The following ZNF787 variants were observed in gnomAD, a reference collection of about 807,000 sequenced individuals.
ZNF787 encodes zinc finger protein 787.
In ZNF787, 7 loss-of-function variants were observed where a neutral mutation model predicts 16.9. The observed-to-expected ratio is 0.42, with a 90% CI of 0.24 to 0.78. The LOEUF is 0.78. Among genes scored for constraint, ZNF787 ranks in the 30% least tolerant of loss-of-function variants. ZNF787 has a pLI of 0.30. For missense variants in ZNF787, 551 were observed against 589.3 expected (o/e 0.94, Z 0.67); for synonymous variants, 345 against 270.9 (o/e 1.27, Z -2.69).
rs529694637 is a variant in ZNF787 at position 56,109,848 on chromosome 19, C to G, written c.-10-6621G>C. On this transcript the variant is annotated intron_variant, in intron 1 of 2. Coordinates refer to ENST00000610935, the MANE Select transcript of ZNF787 (RefSeq NM_001002836.4). ...GCAGTGAGCCGAGATCACGCCACTG[C>G]ACTCCAGCCTGGGCGACAAAGTGAG... Among the ~76,000 whole-genome samples the G allele has an allele frequency of 1.7e-3, 254 of 152,202 alleles. 1 individual carries two copies. The highest frequency in any genetic ancestry group is 5.9e-3 in the African/African-American group (244 of 41,538).
intron 1 of ZNF787, among the ~76,000 whole-genome samples, chr19:56,118,704 G>A (rs2030206008): frequency 6.6e-6 from 1 of 152,174 alleles, no homozygotes; most frequent in Non-Finnish European, 1.5e-5. Flanking sequence ...AGAGGCCCCA[G>A]CACCTGGCAC....
At position 56,088,344 on chromosome 19, in the gene ZNF787, G is replaced by T. The variant is rs981584493; in HGVS notation, c.828C>A (p.Ala276=). 3 of 1,191,254 alleles carry T rather than the reference G, an allele frequency of 2.5e-6. No homozygotes were observed. The African/African-American group carries it at 4.9e-5, about 19-fold the overall frequency. 73.8% of individuals were successfully genotyped at this position (1,191,254 alleles called of 1,614,324 possible). The stretch of plus-strand genomic sequence containing the variant: ...ACTCCAGACACACGTACGGCTTGGG[G>T]GCCGGGGCGCGCCGCGACCGGGGCC... ...AAGPRSRRAP[A]PKPYVCLECG... Residue 276 remains alanine, a synonymous_variant, in exon 3 of 3, where the codon GCC becomes GCA. Transcript: ENST00000610935. This position sits in a 1 kb window ranked among gnomAD's most constrained non-coding sequence, Gnocchi z 8.6.
chr19:56,111,750 G>C (rs2029986595), intron 1 of ZNF787, among the ~76,000 whole-genome samples: 1 of 152,100 alleles, frequency 6.6e-6, no homozygotes, highest in Non-Finnish European at 1.5e-5. Flanking sequence ...CTACCAGGGA[G>C]ATGTGAAACA....
At chr19:56,115,670 C>G (rs2030113563) in intron 1 of ZNF787, among the ~76,000 whole-genome samples, 1 of 152,162 alleles carries the variant, frequency 6.6e-6, no homozygotes, top group Non-Finnish European at 1.5e-5. Context: ...ACCACCCACA[C>G]CCTCCCCGTC....
intron 2 of ZNF787, among the ~76,000 whole-genome samples, chr19:56,090,992 C>T (rs76452668): frequency 0.017 from 2,621 of 152,228 alleles, 76 homozygotes; most frequent in African/African-American, 0.059. Flanking sequence ...CTTGAACCTG[C>T]GGCAGAAGAA....
At chr19:56,112,145 G>A (rs1339169923) in intron 1 of ZNF787, among the ~76,000 whole-genome samples, 5 of 152,116 alleles carry the variant, frequency 3.3e-5, no homozygotes, top group South Asian at 2.1e-4. Flanking sequence ...CAGGAGCTGC[G>A]GGGGCCTGAG....
intron 1 of ZNF787, chr19:56,103,438 C>T (rs189871680): frequency 7.0e-5 from 31 of 444,532 alleles, no homozygotes; most frequent in East Asian, 4.5e-4. Flanking sequence ...CTCACACAGC[C>T]GCAGGAAGGA....
In ZNF787 at chr19:56,118,478, G is replaced by A. The variant is rs953801888; in HGVS notation, c.-11+2694C>T. Among the ~76,000 whole-genome samples, 4 of 152,302 alleles carry A rather than the reference G, an allele frequency of 2.6e-5. No individual in the cohort carries two copies. The South Asian group carries it at 6.2e-4, about 24-fold the overall frequency. ...GGCGGTTGTGATGGTCAAGGGTCTGGGCTCTGGAATCGCAGTAGACACAGG... is the reference window on the plus strand; with the variant it reads ...GGCGGTTGTGATGGTCAAGGGTCTGAGCTCTGGAATCGCAGTAGACACAGG... On this transcript the variant is annotated intron_variant, in intron 1 of 2. Coordinates refer to ENST00000610935, the MANE Select transcript of ZNF787 (RefSeq NM_001002836.4).
At chr19:56,098,551 CCGGGTGA>C (rs1985961045) in intron 2 of ZNF787, among the ~76,000 whole-genome samples, 1 of 142,946 alleles carries the variant, frequency 7.0e-6, no homozygotes, top group Non-Finnish European at 1.5e-5. Context: ...GATATGGCCG[CCGGGTGA>C]TGGAGCCTAG....
At chr19:56,091,312 G>A (rs1212339082) in intron 2 of ZNF787, among the ~76,000 whole-genome samples, 2 of 152,208 alleles carry the variant, frequency 1.3e-5, no homozygotes, top group African/African-American at 2.4e-5. Flanking sequence ...GAAAGAAAGT[G>A]TAGCAATGCT....
Position 56,088,083 on chromosome 19 carries a change from G to C in ZNF787, c.1089C>G (p.Asp363Glu), listed in dbSNP as rs187874945. The change falls in exon 3 of 3, where the codon GAC becomes GAG. Residue 363 changes from aspartate (D) to glutamate (E), a missense_variant. Asp to Glu is a conservative substitution (Grantham distance 45, BLOSUM62 2). Coordinates refer to ENST00000610935, the MANE Select transcript of ZNF787 (RefSeq NM_001002836.4). The surrounding 1 kb of genome is among the most constrained non-coding windows in gnomAD (Gnocchi z 8.6). ...GCCCGCCCGCGGCCTCGTCGTCGTC[G>C]TCCTCCTCCTCCCCGCCCGCGCGGT... Reference protein sequence around the residue: ...SYYRAGGEEEDDDDEAAGGRC... With the variant: ...SYYRAGGEEEEDDDEAAGGRC... 592 of 1,491,134 alleles carry C rather than the reference G, an allele frequency of 4.0e-4. 2 individuals are homozygous for C. Among genetic ancestry groups the C allele is most frequent in the Middle Eastern group, 9.7e-4 (4 of 4,124 alleles). 92.4% of individuals were successfully genotyped at this position (1,491,134 alleles called of 1,614,324 possible). A position where few individuals can be genotyped will look rare whatever the true frequency, so the allele number is the denominator to read the frequency against.
chr19:56,113,888 C>T (rs866409849), intron 1 of ZNF787, among the ~76,000 whole-genome samples: 1 of 152,108 alleles, frequency 6.6e-6, no homozygotes, highest in Non-Finnish European at 1.5e-5. Context: ...GGAGGGCAAT[C>T]GCACCATCTC....
At position 56,087,875 on chromosome 19, in the gene ZNF787, G is replaced by C. The variant is rs576226054; in HGVS notation, c.*148C>G. On this transcript the variant is annotated 3_prime_UTR_variant, in exon 3 of 3. Transcript: ENST00000610935. ...TACGCCCCAGTGCCCCCCCACGGAC[G>C]GCGCAGGGACAGAGGAGGGCGGGGA... 4.9e-6 allele frequency: 6 copies of C among 1,212,680 alleles called. No homozygotes were observed. The African/African-American group carries it at 6.4e-5, about 13-fold the overall frequency. 75.1% of individuals were successfully genotyped at this position (1,212,680 alleles called of 1,614,324 possible).
rs1985423019 is a variant in ZNF787 at position 56,088,362 on chromosome 19, C to A, written c.810G>T (p.Arg270=). ...AGAGAKAAGP[R]SRRAPAPKPY... is the part of the protein sequence containing the mutation. ...GCTTGGGGGCCGGGGCGCGCCGCGACCGGGGCCCCGCGGCCTTTGCCCCCG... is the reference window on the plus strand; with the variant it reads ...GCTTGGGGGCCGGGGCGCGCCGCGAACGGGGCCCCGCGGCCTTTGCCCCCG... The change falls in exon 3 of 3, where the codon CGG becomes CGT. Residue 270 remains arginine (R), a synonymous_variant. Coordinates refer to ENST00000610935, the MANE Select transcript of ZNF787 (RefSeq NM_001002836.4). The surrounding 1 kb of genome is among the most constrained non-coding windows in gnomAD (Gnocchi z 8.6). 8.8e-7 allele frequency: 1 copy of A among 1,135,504 alleles called. No homozygotes were observed. Among genetic ancestry groups the A allele is most frequent in the Non-Finnish European group, 1.1e-6 (1 of 925,690 alleles). 70.3% of individuals were successfully genotyped at this position (1,135,504 alleles called of 1,614,324 possible).
rs1056530215 is a variant in ZNF787 at position 56,120,055 on chromosome 19, G to A, written c.-11+1117C>T. Among the ~76,000 whole-genome samples, 11 of 152,226 alleles carry A rather than the reference G, an allele frequency of 7.2e-5. No homozygotes were observed. In the East Asian group the frequency reaches 1.9e-3, roughly 27 times the overall value. ...GGGCTGGGTCAAAATGCCTTCCCTGGCTCCCACAGCCCCCAGACCTCTCCA... is the reference window on the plus strand; with the variant it reads ...GGGCTGGGTCAAAATGCCTTCCCTGACTCCCACAGCCCCCAGACCTCTCCA... On this transcript the variant is annotated intron_variant, in intron 1 of 2. Coordinates refer to ENST00000610935, the MANE Select transcript of ZNF787 (RefSeq NM_001002836.4).
At chr19:56,107,916 A>G (rs565467678) in intron 1 of ZNF787, among the ~76,000 whole-genome samples, 26 of 151,428 alleles carry the variant, frequency 1.7e-4, no homozygotes, top group South Asian at 1.0e-3. Flanking sequence ...GGGCTGCGGG[A>G]GGGGCTGCAG....
At chr19:56,111,222 C>A (rs1323488073) in intron 1 of ZNF787, among the ~76,000 whole-genome samples, 2 of 151,556 alleles carry the variant, frequency 1.3e-5, no homozygotes, top group Non-Finnish European at 2.9e-5. Flanking sequence ...GCCAAGGAGG[C>A]ACAGCAGAGG....
At chr19:56,089,122 G>A (rs1985473804) in intron 2 of ZNF787, 30 bp from the exon 3 acceptor site, 1 of 1,410,218 alleles carries the variant, frequency 7.1e-7, no homozygotes, top group Non-Finnish European at 9.3e-7. Context: ...GGGGAGGTGA[G>A]TCAAGAGAGG....
intron 1 of ZNF787, among the ~76,000 whole-genome samples, chr19:56,119,570 A>C (rs2030228511): frequency 6.6e-6 from 1 of 152,212 alleles, no homozygotes; most frequent in Non-Finnish European, 1.5e-5. Context: ...AAAGTAAGGC[A>C]CTGAAGTTAC....
Sources: gnomAD v4.1 joint callset for allele counts (sites outside exome capture counted in the v4.1 genomes callset) on GRCh38, gnomAD v4.1.1 for gene constraint, Gnocchi (gnomAD v3.1) non-coding constraint, MANE v1.5 for transcripts, NCBI Gene and HGNC (gene_info 2026-07-23, HGNC 2026-07-21) for gene names.